NACC2: variants seen among roughly 807,000 people sequenced by gnomAD.
NACC2 encodes NACC family member 2, also known as nucleus accumbens-associated protein 2.
Under a neutral mutation model 25.1 loss-of-function variants are expected in NACC2, and 8 were observed. The observed-to-expected ratio is 0.32, with a 90% CI of 0.19 to 0.57. NACC2 has a LOEUF of 0.57. NACC2 is among the 20% of genes least tolerant of loss of function. The probability of loss-of-function intolerance (pLI) is 0.89; values close to 1 mark genes in which losing one functional copy is unlikely to be tolerated. For missense variants in NACC2, 644 were observed against 650.2 expected (o/e 0.99, Z 0.10); for synonymous variants, 435 against 294.7 (o/e 1.48, Z -4.88).
chr9:136,054,236 G>C (rs1840890188), intron 1 of NACC2, among the ~76,000 whole-genome samples: 2 of 152,224 alleles, frequency 1.3e-5, no homozygotes, highest in Non-Finnish European at 2.9e-5. Context: ...CGCACCTCAG[G>C]AGCTGGAGCC....
intron 1 of NACC2, among the ~76,000 whole-genome samples, chr9:136,057,135 C>T (rs957969267): frequency 6.6e-6 from 1 of 152,178 alleles, no homozygotes; most frequent in Admixed American, 6.5e-5. Context: ...GTGCCCGTGG[C>T]GTTGGCTCTG....
rs1229156526 is a variant in NACC2, at chr9:136,009,085, C to A, written c.*2431G>T. 6.6e-6 allele frequency: 1 copy of A among 152,400 alleles called. No homozygotes were observed. Among genetic ancestry groups the A allele is most frequent in the East Asian group, 1.9e-4 (1 of 5,184 alleles). 9.4% of individuals were successfully genotyped at this position (152,400 alleles called of 1,614,324 possible). ...TGTCCTGGCCAAGGGTGGGGGGGCA[C>A]CCACTTTGGAGTGGAGGGCAGAGAG... On this transcript the variant is annotated 3_prime_UTR_variant, in exon 6 of 6. Coordinates refer to ENST00000277554, the MANE Select transcript of NACC2 (RefSeq NM_144653.5).
chr9:136,041,121 G>GAAGGAAAGGAAGC (rs1188067884), intron 2 of NACC2, among the ~76,000 whole-genome samples: 2 of 151,842 alleles, frequency 1.3e-5, no homozygotes, highest in South Asian at 2.1e-4. Flanking sequence ...GGAAAGGAAG[G>GAAGGAAAGGAAGC]AAGCAAGCAA....
chr9:136,070,195 C>G (rs2131177666), intron 1 of NACC2, among the ~76,000 whole-genome samples: 1 of 151,942 alleles, frequency 6.6e-6, no homozygotes. Context: ...ATCCATATGT[C>G]AAAGAAGAAG....
At chr9:136,073,686 A>G (rs1830223580) in intron 1 of NACC2, among the ~76,000 whole-genome samples, 1 of 152,150 alleles carries the variant, frequency 6.6e-6, no homozygotes, top group Non-Finnish European at 1.5e-5. Flanking sequence ...GGTTCATAAT[A>G]CCTGGAAATA....
chr9:136,064,125 C>T (rs1312878974), intron 1 of NACC2, among the ~76,000 whole-genome samples: 1 of 151,886 alleles, frequency 6.6e-6, no homozygotes, highest in African/African-American at 2.4e-5. Context: ...CTCATCTCTA[C>T]AAAAAATTCA....
intron 1 of NACC2, among the ~76,000 whole-genome samples, chr9:136,071,934 A>G (rs528530739): frequency 1.3e-5 from 2 of 152,160 alleles, no homozygotes; most frequent in Admixed American, 6.5e-5. Flanking sequence ...CAAGCCTCAC[A>G]CCCCATTCAA....
In NACC2 at chr9:136,008,200, A is replaced by T. The variant is rs1840053573; in HGVS notation, c.*3316T>A. 6.6e-6 allele frequency: 1 copy of T among 152,316 alleles called. No individual in the cohort carries two copies. Among genetic ancestry groups the T allele is most frequent in the Admixed American group, 6.5e-5 (1 of 15,286 alleles). 9.4% of individuals were successfully genotyped at this position (152,316 alleles called of 1,614,324 possible). A position where few individuals can be genotyped will look rare whatever the true frequency, so the allele number is the denominator to read the frequency against. On this transcript the variant is annotated 3_prime_UTR_variant, in exon 6 of 6. Coordinates refer to ENST00000277554, the MANE Select transcript of NACC2 (RefSeq NM_144653.5). Reference sequence around the variant, plus strand: ...AGACACAATGCGGAAAACAAGACAGAATTCAAGTACCGAGGCACCCAGCCA... The same window carrying T: ...AGACACAATGCGGAAAACAAGACAGTATTCAAGTACCGAGGCACCCAGCCA...
chr9:136,009,845 G>C lies in NACC2; in HGVS notation c.*1671C>G, dbSNP rs1840077891. ...TCACTGGCCTGTGTGCACACCGGAG[G>C]GGGTGCTGATGGGCGCAGGGCTGCA... On this transcript the variant is annotated 3_prime_UTR_variant, in exon 6 of 6. Transcript: ENST00000277554. The C allele has an allele frequency of 1.8e-5, 1 of 54,984 alleles. No individual in the cohort carries two copies. Among genetic ancestry groups the C allele is most frequent in the Non-Finnish European group, 3.6e-5 (1 of 28,090 alleles). 3.4% of individuals were successfully genotyped at this position (54,984 alleles called of 1,614,324 possible).
At chr9:136,016,865 G>A (rs1840211181) in intron 2 of NACC2, among the ~76,000 whole-genome samples, 1 of 152,138 alleles carries the variant, frequency 6.6e-6, no homozygotes, top group South Asian at 2.1e-4. Context: ...GGCAGGGCCA[G>A]CAGGGCAGCC....
At chr9:136,064,685 C>T (rs571153538) in intron 1 of NACC2, among the ~76,000 whole-genome samples, 10 of 152,214 alleles carry the variant, frequency 6.6e-5, no homozygotes, top group Admixed American at 3.3e-4. Context: ...ATCAAAATTC[C>T]GGTTAATTTC....
In NACC2 at chr9:136,080,718, G is replaced by T. The variant is rs570979972; in HGVS notation, c.-60+14471C>A. ...GAGGTCGTGGAGTGTGGGTTAGCTG[G>T]GGGTCTCCTCCTCTCCAGACACGTG... is the stretch of plus-strand genomic sequence containing the variant. On this transcript the variant is annotated intron_variant, in intron 1 of 5. Coordinates refer to ENST00000277554, the MANE Select transcript of NACC2 (RefSeq NM_144653.5). Among the ~76,000 whole-genome samples, 17 of 152,300 alleles carry T rather than the reference G, an allele frequency of 1.1e-4. 1 individual carries two copies. The South Asian group carries it at 2.7e-3, about 24-fold the overall frequency.
At position 136,047,523 on chromosome 9, in the gene NACC2, G is replaced by T. The variant is rs995000168; in HGVS notation, c.886+2113C>A. Among the ~76,000 whole-genome samples the T allele has an allele frequency of 1.1e-4, 17 of 152,280 alleles. 1 individual carries two copies. The highest frequency in any genetic ancestry group is 3.8e-4 in the African/African-American group (16 of 41,564). On this transcript the variant is annotated intron_variant, in intron 2 of 5. Coordinates refer to ENST00000277554, the MANE Select transcript of NACC2 (RefSeq NM_144653.5). ...CCCACTTTCCACCTCGCTGGCATCA[G>T]CGACACCCGTGCAAAGGCAGAGAAT...
chr9:136,048,012 G>A (rs1013386429), intron 2 of NACC2, among the ~76,000 whole-genome samples: 2 of 152,344 alleles, frequency 1.3e-5, no homozygotes, highest in African/African-American at 2.4e-5. Flanking sequence ...GATACGATGG[G>A]TCTGTTTCCA....
At chr9:136,091,609 G>A (rs961959367) in intron 1 of NACC2, among the ~76,000 whole-genome samples, 4 of 152,162 alleles carry the variant, frequency 2.6e-5, no homozygotes, top group Non-Finnish European at 4.4e-5. Flanking sequence ...ATGCCTTCAC[G>A]CCTGCCCACT....
At position 136,070,133 on chromosome 9, in the gene NACC2, G is replaced by A. The variant is rs566520511; in HGVS notation, c.-59-19553C>T. Among the ~76,000 whole-genome samples the A allele has an allele frequency of 4.8e-4, 73 of 151,956 alleles. 1 individual carries two copies. Among genetic ancestry groups the A allele is most frequent in the African/African-American group, 1.4e-3 (58 of 41,258 alleles). On this transcript the variant is annotated intron_variant, in intron 1 of 5. Coordinates refer to ENST00000277554, the MANE Select transcript of NACC2 (RefSeq NM_144653.5). The stretch of plus-strand genomic sequence containing the variant: ...CCACAGTGGAATCAAACTAGAAATC[G>A]TAACAAAGGTAACAGGGAAATCTAG...
intron 1 of NACC2, among the ~76,000 whole-genome samples, chr9:136,073,873 T>A (rs1027905671): frequency 1.3e-5 from 2 of 152,144 alleles, no homozygotes; most frequent in Non-Finnish European, 2.9e-5. Flanking sequence ...GGTCTTGGAG[T>A]ATCTGGTCTG....
intron 1 of NACC2, among the ~76,000 whole-genome samples, chr9:136,087,437 T>C (rs1255087496): frequency 1.3e-5 from 2 of 152,188 alleles, no homozygotes; most frequent in Non-Finnish European, 2.9e-5. Context: ...CTCCTGGAGC[T>C]GGCAGACTCC....
intron 2 of NACC2, among the ~76,000 whole-genome samples, chr9:136,040,171 C>T (rs1450588859): frequency 1.3e-5 from 2 of 151,998 alleles, no homozygotes; most frequent in East Asian, 3.9e-4. Context: ...TGGTGAAATC[C>T]TGTCTCTACT....
Sources: gnomAD v4.1 joint callset for allele counts (sites outside exome capture counted in the v4.1 genomes callset) on GRCh38, gnomAD v4.1.1 for gene constraint, MANE v1.5 for transcripts, NCBI Gene and HGNC (gene_info 2026-07-23, HGNC 2026-07-21) for gene names.